Variants in AP3S2 observed in about 807,000 individuals in gnomAD.
The protein encoded by AP3S2 is adaptor related protein complex 3 subunit sigma 2, also known as AP-3 complex subunit sigma-2.
A neutral mutation model predicts 23.4 loss-of-function variants in AP3S2; 22 were observed. The observed-to-expected ratio is 0.94, with a 90% CI of 0.67 to 1.34. The LOEUF (loss-of-function observed/expected upper bound fraction) is 1.34. Ranked by LOEUF, AP3S2 falls within the 40% of genes most tolerant of loss-of-function variation. AP3S2 has a pLI of 0.00. For synonymous variants in AP3S2, 86 were observed against 87.1 expected (o/e 0.99, Z 0.07); for missense variants, 241 against 236.9 (o/e 1.02, Z -0.11).
chr15:89,858,507 GAGAGAGAGAGAGAGAGAGAA>G (rs1895910556), intron 4 of AP3S2, among the ~76,000 whole-genome samples: 1 of 56,606 alleles, frequency 1.8e-5, no homozygotes, highest in Non-Finnish European at 3.7e-5. Flanking sequence ...GAGAGAGAGA[GAGAGAGAGAGAGAGAGAGAA>G]AGAAAGAAAG....
rs199513933 is a variant in AP3S2, at chr15:89,835,505, T to C, written c.*10A>G. The C allele has an allele frequency of 1.9e-6, 3 of 1,613,608 alleles. No individual in the cohort carries two copies. Among genetic ancestry groups the C allele is most frequent in the East Asian group, 2.2e-5 (1 of 44,856 alleles). On this transcript the variant is annotated 3_prime_UTR_variant, in exon 6 of 6. Coordinates refer to ENST00000336418, the MANE Select transcript of AP3S2 (RefSeq NM_005829.5). ...TCTTAAGGACTCTATTTCAGGCCAA[T>C]ACTTGATCCTCAGACAAACTGGGAC...
intron 4 of AP3S2, among the ~76,000 whole-genome samples, chr15:89,868,210 A>G (rs1471923902): frequency 9.1e-5 from 4 of 43,724 alleles, no homozygotes; most frequent in Admixed American, 2.1e-4. Context: ...TCCGGGAGGG[A>G]GGTGGGGGGG....
chr15:89,873,789 C>CA (rs1297692414), intron 3 of AP3S2, among the ~76,000 whole-genome samples: 1 of 150,804 alleles, frequency 6.6e-6, no homozygotes, highest in Non-Finnish European at 1.5e-5. Context: ...ACCCATTTAG[C>CA]AATAAGACAT....
intron 2 of AP3S2, 87 bp downstream of exon 2, chr15:89,888,962 C>T (rs1896758472): frequency 2.7e-6 from 4 of 1,507,998 alleles, no homozygotes; most frequent in Middle Eastern, 1.7e-4. Flanking sequence ...AAGTACCCAC[C>T]TGACACTTGA....
intron 3 of AP3S2, among the ~76,000 whole-genome samples, chr15:89,873,286 CTTT>C (rs71461825): frequency 1.5e-5 from 2 of 134,528 alleles, no homozygotes; most frequent in African/African-American, 5.3e-5. Context: ...TGTCTGTCTT[CTTT>C]TTTTTTTTTT....
intron 4 of AP3S2, among the ~76,000 whole-genome samples, chr15:89,855,572 G>A (rs1296769412): frequency 2.1e-5 from 3 of 145,674 alleles, no homozygotes; most frequent in African/African-American, 7.6e-5. Context: ...TCCCAGGCCA[G>A]CTGTGGTGGC....
chr15:89,893,543 T>A, intron 1 of AP3S2: 1 of 402,044 alleles, frequency 2.5e-6, no homozygotes, highest in Non-Finnish European at 4.4e-6. Flanking sequence ...ACCAAAAAGA[T>A]GACAGAATGT....
intron 4 of AP3S2, among the ~76,000 whole-genome samples, chr15:89,859,631 G>A (rs1018476868): frequency 2.6e-5 from 4 of 151,676 alleles, no homozygotes; most frequent in African/African-American, 9.7e-5. Flanking sequence ...CTGACCTCAG[G>A]TGAGCCACCC....
intron 4 of AP3S2, among the ~76,000 whole-genome samples, chr15:89,853,250 G>A (rs573764540): frequency 1.3e-5 from 2 of 152,090 alleles, no homozygotes; most frequent in Non-Finnish European, 2.9e-5. Flanking sequence ...CAATATAGGA[G>A]GCAGAGAGAC....
chr15:89,849,760 T>C (rs1299081848), intron 4 of AP3S2, among the ~76,000 whole-genome samples: 3 of 152,136 alleles, frequency 2.0e-5, no homozygotes, highest in Non-Finnish European at 4.4e-5. Context: ...ACACGTGCCA[T>C]GGTGGTTTGT....
intron 4 of AP3S2, among the ~76,000 whole-genome samples, chr15:89,867,857 AGC>A (rs1896178833): frequency 8.6e-6 from 1 of 115,872 alleles, no homozygotes. Flanking sequence ...TCCGCCCGGC[AGC>A]CACCCCATCT....
At chr15:89,889,020 TG>T in intron 2 of AP3S2, 28 bp downstream of exon 2, 1 of 1,613,726 alleles carries the variant, frequency 6.2e-7, no homozygotes, top group South Asian at 1.1e-5. Flanking sequence ...AGTGGATATA[TG>T]GGGAGAAAAA....
chr15:89,847,907 C>T (rs1294947169), intron 4 of AP3S2, among the ~76,000 whole-genome samples: 1 of 152,210 alleles, frequency 6.6e-6, no homozygotes. Flanking sequence ...GCACCCCTGC[C>T]ACTACACCTA....
chr15:89,876,956 G>A (rs1896456967), intron 3 of AP3S2: 6 of 280,308 alleles, frequency 2.1e-5, no homozygotes, highest in South Asian at 2.1e-4. Flanking sequence ...TGTACCTAGG[G>A]ATTATGACAC....
intron 1 of AP3S2, among the ~76,000 whole-genome samples, chr15:89,891,014 T>C (rs1896808823): frequency 6.6e-6 from 1 of 152,210 alleles, no homozygotes. Flanking sequence ...ACTCTATATA[T>C]GCAAAATACA....
chr15:89,850,103 C>T (rs1055073922), intron 4 of AP3S2, among the ~76,000 whole-genome samples: 1 of 152,184 alleles, frequency 6.6e-6, no homozygotes, highest in East Asian at 1.9e-4. Context: ...GCTGTCTGGT[C>T]CTAAGCAGCT....
chr15:89,836,605 C>T (rs181243273), intron 5 of AP3S2, among the ~76,000 whole-genome samples: 11 of 152,312 alleles, frequency 7.2e-5, no homozygotes, highest in African/African-American at 2.6e-4. Context: ...GGCAGGCTCA[C>T]CCCCACGTGG....
chr15:89,844,195 CTCTTTCTTTCTTTCTCTTTCTTTCTT>C (rs1895406407), intron 4 of AP3S2, among the ~76,000 whole-genome samples: 4 of 151,630 alleles, frequency 2.6e-5, no homozygotes, highest in South Asian at 2.1e-4. Context: ...CCAAAAAACC[CTCTTTCTTTCTTTCTCTTTCTTTCTT>C]TCTTTCTTTC....
chr15:89,883,756 T>TG (rs1896627957), intron 3 of AP3S2, among the ~76,000 whole-genome samples: 1 of 152,204 alleles, frequency 6.6e-6, no homozygotes, highest in Non-Finnish European at 1.5e-5. Context: ...TCTTGGCTCT[T>TG]GGTTTTGAAA....
Sources: gnomAD v4.1 joint callset for allele counts (sites outside exome capture counted in the v4.1 genomes callset) on GRCh38, gnomAD v4.1.1 for gene constraint, MANE v1.5 for transcripts, NCBI Gene and HGNC (gene_info 2026-07-23, HGNC 2026-07-21) for gene names.